Variants in PPP2R5E observed in about 807,000 individuals in gnomAD.
PPP2R5E encodes the protein serine/threonine-protein phosphatase 2A 56 kDa regulatory subunit epsilon isoform.
A neutral mutation model predicts 65.3 loss-of-function variants in PPP2R5E; 4 were observed. The observed-to-expected ratio is 0.06, with a 90% CI of 0.03 to 0.14. PPP2R5E has a LOEUF of 0.14. Ranked by LOEUF, PPP2R5E falls within the 10% of genes least tolerant of loss-of-function variation. The pLI, the probability that PPP2R5E is intolerant of heterozygous loss-of-function variation, is 1.00. For missense variants in PPP2R5E, 274 were observed against 556.1 expected (o/e 0.49, Z 5.10); for synonymous variants, 183 against 187.4 (o/e 0.98, Z 0.19).
chr14:63,448,301 A>C (rs1439996168), intron 3 of PPP2R5E, among the ~76,000 whole-genome samples: 1 of 152,120 alleles, frequency 6.6e-6, no homozygotes, highest in Non-Finnish European at 1.5e-5. Flanking sequence ...CATCTCAAAA[A>C]TAAATAAATA....
chr14:63,538,052 T>A (rs1448157065), intron 2 of PPP2R5E, among the ~76,000 whole-genome samples: 1 of 151,976 alleles, frequency 6.6e-6, no homozygotes, highest in Non-Finnish European at 1.5e-5. Flanking sequence ...CACGCCTAAA[T>A]CCTGGCATGG....
intron 2 of PPP2R5E, among the ~76,000 whole-genome samples, chr14:63,532,376 C>G (rs545760193): frequency 1.5e-4 from 23 of 152,216 alleles, no homozygotes; most frequent in Admixed American, 5.2e-4. Flanking sequence ...TGGCAAGATA[C>G]TAATGCAGTA....
At chr14:63,509,267 CTTT>C (rs10553696) in intron 2 of PPP2R5E, among the ~76,000 whole-genome samples, 2,341 of 107,972 alleles carry the variant, frequency 0.022, 15 homozygotes, top group African/African-American at 0.042. Context: ...TTAAAATATC[CTTT>C]TTTTTTTTTT....
intron 6 of PPP2R5E, 27 bp downstream of exon 6, chr14:63,396,559 C>T (rs1885411058): frequency 1.2e-6 from 2 of 1,607,628 alleles, no homozygotes; most frequent in African/African-American, 1.3e-5. Flanking sequence ...TTTGCTTCTC[C>T]TTCTTCCCCC....
intron 3 of PPP2R5E, chr14:63,452,272 A>G (rs1888886987): frequency 6.6e-6 from 1 of 152,276 alleles, no homozygotes. Context: ...AGGCAGGTAG[A>G]CTAGAGAAGA....
chr14:63,418,841 C>CTTTTTTTTTT (rs772740856), intron 4 of PPP2R5E, among the ~76,000 whole-genome samples: 5 of 105,090 alleles, frequency 4.8e-5, no homozygotes, highest in Non-Finnish European at 7.6e-5. Context: ...AATTTTTTTA[C>CTTTTTTTTTT]TTTTTTTTTT....
At chr14:63,479,517 T>C (rs1365316677) in intron 2 of PPP2R5E, 2 of 152,230 alleles carry the variant, frequency 1.3e-5, no homozygotes, top group African/African-American at 4.8e-5. Flanking sequence ...GGCACCTTGC[T>C]AAATGAACTG....
At chr14:63,522,285 G>C (rs113508355) in intron 2 of PPP2R5E, among the ~76,000 whole-genome samples, 1 of 151,830 alleles carries the variant, frequency 6.6e-6, no homozygotes, top group African/African-American at 2.4e-5. Flanking sequence ...GCGTGATCTC[G>C]GCTCGCTACA....
intron 2 of PPP2R5E, among the ~76,000 whole-genome samples, chr14:63,470,696 C>A (rs1890074779): frequency 6.8e-6 from 1 of 147,312 alleles, no homozygotes; most frequent in South Asian, 2.2e-4. Flanking sequence ...TTCACAGGAT[C>A]ATAAAAACAA....
intron 3 of PPP2R5E, among the ~76,000 whole-genome samples, chr14:63,436,348 G>A (rs1342128918): frequency 6.6e-6 from 1 of 152,178 alleles, no homozygotes; most frequent in African/African-American, 2.4e-5. Context: ...TGAGGCTCCT[G>A]ATGTGTGTTT....
intron 5 of PPP2R5E, among the ~76,000 whole-genome samples, chr14:63,402,314 A>C (rs1397850466): frequency 6.6e-6 from 1 of 152,246 alleles, no homozygotes; most frequent in African/African-American, 2.4e-5. Context: ...CAAAGTCACC[A>C]GTTGCCAAGT....
At chr14:63,409,433 T>C (rs1235494900) in intron 5 of PPP2R5E, among the ~76,000 whole-genome samples, 2 of 152,008 alleles carry the variant, frequency 1.3e-5, no homozygotes, top group Admixed American at 6.6e-5. Context: ...ACTAAAATTA[T>C]TGGAATCAAG....
chr14:63,461,335 A>G (rs1375263058), intron 2 of PPP2R5E, among the ~76,000 whole-genome samples: 2 of 150,104 alleles, frequency 1.3e-5, no homozygotes, highest in Admixed American at 6.6e-5. Context: ...CGTGCCAGTA[A>G]AATTACAGAA....
chr14:63,434,215 G>C (rs1887840518), intron 3 of PPP2R5E, among the ~76,000 whole-genome samples: 1 of 152,090 alleles, frequency 6.6e-6, no homozygotes. Flanking sequence ...TCTCTTTTTA[G>C]TGGGGAAGAG....
chr14:63,502,873 A>T (rs1014460016), intron 2 of PPP2R5E, among the ~76,000 whole-genome samples: 10 of 152,180 alleles, frequency 6.6e-5, no homozygotes, highest in African/African-American at 2.4e-4. Flanking sequence ...TACACTTGTA[A>T]TCCCAGCACT....
intron 2 of PPP2R5E, among the ~76,000 whole-genome samples, chr14:63,523,071 T>G (rs867084120): frequency 6.0e-4 from 83 of 138,230 alleles, no homozygotes; most frequent in African/African-American, 2.2e-3. Context: ...AGCCGCCCCG[T>G]CCGGGAGGGA....
chr14:63,435,752 A>G (rs1271134148), intron 3 of PPP2R5E, among the ~76,000 whole-genome samples: 2 of 152,176 alleles, frequency 1.3e-5, no homozygotes, highest in Non-Finnish European at 2.9e-5. Flanking sequence ...TCAAGATCAA[A>G]CTTTGCTCAA....
At chr14:63,486,245 C>A (rs1452247003) in intron 2 of PPP2R5E, among the ~76,000 whole-genome samples, 1 of 151,232 alleles carries the variant, frequency 6.6e-6, no homozygotes, top group Admixed American at 6.6e-5. Flanking sequence ...CTCTCCTCCC[C>A]TCTCCTGATT....
At chr14:63,382,487 C>T (rs1031266430) in intron 12 of PPP2R5E, among the ~76,000 whole-genome samples, 43 of 151,932 alleles carry the variant, frequency 2.8e-4, no homozygotes, top group African/African-American at 8.5e-4. Context: ...CCGCAACCTC[C>T]GCCTCTTGGG....
Sources: gnomAD v4.1 joint callset for allele counts (sites outside exome capture counted in the v4.1 genomes callset) on GRCh38, gnomAD v4.1.1 for gene constraint, MANE v1.5 for transcripts, NCBI Gene and HGNC (gene_info 2026-07-23, HGNC 2026-07-21) for gene names.